PAIP2B: variants seen among roughly 807,000 people sequenced by gnomAD.
PAIP2B encodes the protein poly(A) binding protein interacting protein 2B, also known as polyadenylate-binding protein-interacting protein 2B.
PAIP2B carries 13 observed loss-of-function variants against 17.0 expected under a neutral mutation model. The ratio of observed to expected loss-of-function variants is 0.76; its 90% CI spans 0.50 to 1.22. The LOEUF (loss-of-function observed/expected upper bound fraction) is 1.22, where lower values mean the gene tolerates loss of function less well. Among genes scored for constraint, PAIP2B ranks in the 50% most tolerant of loss-of-function variants. The probability of loss-of-function intolerance (pLI) is 0.00; values close to 1 mark genes in which losing one functional copy is unlikely to be tolerated. For synonymous variants in PAIP2B, 43 were observed against 48.7 expected, an observed-to-expected ratio of 0.88 and a Z score of 0.48; for missense variants, 117 against 144.5, an observed-to-expected ratio of 0.81 and a Z score of 0.98.
chr2:71,188,990 A>G (rs972946092), intron 3 of PAIP2B, among the ~76,000 whole-genome samples: 6 of 148,232 alleles, frequency 4.0e-5, no homozygotes, highest in Admixed American at 4.0e-4. Context: ...TATGAAAACT[A>G]TATTGCTCAC....
intron 1 of PAIP2B, among the ~76,000 whole-genome samples, chr2:71,216,801 GT>G (rs1384412888): frequency 1.3e-5 from 2 of 152,190 alleles, no homozygotes; most frequent in Non-Finnish European, 2.9e-5. Context: ...CAGGGATACT[GT>G]ATGTTCTATC....
intron 1 of PAIP2B, among the ~76,000 whole-genome samples, chr2:71,226,579 A>T (rs984232426): frequency 6.6e-6 from 1 of 152,040 alleles, no homozygotes; most frequent in Non-Finnish European, 1.5e-5. Context: ...CCTGGGTAGA[A>T]ATGGGACTCA....
At chr2:71,197,897 C>T (rs1674864183) in intron 2 of PAIP2B, among the ~76,000 whole-genome samples, 1 of 152,224 alleles carries the variant, frequency 6.6e-6, no homozygotes, top group African/African-American at 2.4e-5. Flanking sequence ...CACCAGGTCC[C>T]TCCCACAACA....
chr2:71,209,686 CAACTTTCT>C (rs1459611719), intron 1 of PAIP2B, among the ~76,000 whole-genome samples: 1 of 152,186 alleles, frequency 6.6e-6, no homozygotes, highest in Admixed American at 6.5e-5. Context: ...CATCAAACTC[CAACTTTCT>C]AACTTTCTAA....
chr2:71,195,675 G>A, intron 2 of PAIP2B, among the ~76,000 whole-genome samples: 1 of 152,142 alleles, frequency 6.6e-6, no homozygotes, highest in Admixed American at 6.5e-5. Context: ...GTCTCGCTCT[G>A]TCACCCAGGC....
intron 1 of PAIP2B, among the ~76,000 whole-genome samples, chr2:71,204,278 G>A (rs1675066627): frequency 6.6e-6 from 1 of 151,994 alleles, no homozygotes; most frequent in African/African-American, 2.4e-5. Flanking sequence ...CTTCCTTGGG[G>A]CTTCTTTAAG....
intron 1 of PAIP2B, among the ~76,000 whole-genome samples, chr2:71,222,691 A>G (rs1301301126): frequency 2.0e-5 from 3 of 152,138 alleles, no homozygotes; most frequent in Non-Finnish European, 4.4e-5. Flanking sequence ...CTAACACATC[A>G]TATACCACTT....
chr2:71,191,892 G>A (rs968744996), intron 2 of PAIP2B, among the ~76,000 whole-genome samples: 7 of 152,138 alleles, frequency 4.6e-5, no homozygotes, highest in African/African-American at 1.4e-4. Context: ...AAAACAATGC[G>A]TTACTGCTGA....
chr2:71,201,382 T>C (rs1381238683), intron 2 of PAIP2B, among the ~76,000 whole-genome samples: 3 of 148,566 alleles, frequency 2.0e-5, no homozygotes, highest in Non-Finnish European at 4.4e-5. Context: ...TGAGAGTTCT[T>C]AATCTTTTTT....
intron 2 of PAIP2B, among the ~76,000 whole-genome samples, chr2:71,201,008 GGTGTGTGTGTGTGTGT>G (rs70959217): frequency 3.1e-5 from 1 of 32,310 alleles, no homozygotes; most frequent in African/African-American, 6.8e-5. Flanking sequence ...TGTGTGTGTG[GGTGTGTGTGTGTGTGT>G]GTGTGTGTGT....
At chr2:71,196,921 T>C (rs897285735) in intron 2 of PAIP2B, among the ~76,000 whole-genome samples, 25 of 152,182 alleles carry the variant, frequency 1.6e-4, no homozygotes, top group African/African-American at 6.0e-4. Flanking sequence ...ATGTGTGAGA[T>C]GGGTTTCTTG....
rs1229600510 is a variant in PAIP2B at position 71,226,989 on chromosome 2, C to T, written c.-73G>A. The stretch of plus-strand genomic sequence containing the variant: ...CTGCCACTCCTCCGAGAGCTTAAGC[C>T]GTTGCCGTAGAGGTCGCCGTCGCCA... On this transcript the variant is annotated 5_prime_UTR_variant, in exon 1 of 4. Transcript: ENST00000244221. 6.5e-6 allele frequency: 1 copy of T among 153,076 alleles called. No individual in the cohort carries two copies. The highest frequency in any genetic ancestry group is 1.5e-5 in the Non-Finnish European group (1 of 68,126). 9.5% of individuals were successfully genotyped at this position (153,076 alleles called of 1,614,324 possible).
At chr2:71,226,773 C>G (rs1262375443) in intron 1 of PAIP2B, among the ~76,000 whole-genome samples, 155 bp downstream of exon 1, 1 of 152,222 alleles carries the variant, frequency 6.6e-6, no homozygotes, top group Admixed American at 6.5e-5. Context: ...CGTGGGACCC[C>G]GCGCGCTTTC....
In PAIP2B at chr2:71,185,279, G is replaced by A. The variant is rs1674507076; in HGVS notation, c.*3200C>T. Reference sequence around the variant, plus strand: ...TTAATTAAAGAGACCCCAGGCTGGGGTGGCTCACCACACCCAGCCTATAAT... The same window carrying A: ...TTAATTAAAGAGACCCCAGGCTGGGATGGCTCACCACACCCAGCCTATAAT... On this transcript the variant is annotated 3_prime_UTR_variant, in exon 4 of 4. Coordinates refer to ENST00000244221, the MANE Select transcript of PAIP2B (RefSeq NM_020459.1). 1 of 152,058 alleles carries A rather than the reference G, an allele frequency of 6.6e-6. No individual in the cohort carries two copies. The highest frequency in any genetic ancestry group is 2.1e-4 in the South Asian group (1 of 4,822). 9.4% of individuals were successfully genotyped at this position (152,058 alleles called of 1,614,324 possible).
rs17691296 is a variant in PAIP2B at position 71,222,346 on chromosome 2, T to C, written c.-12+4582A>G. On this transcript the variant is annotated intron_variant, in intron 1 of 3. Coordinates refer to ENST00000244221, the MANE Select transcript of PAIP2B (RefSeq NM_020459.1). The stretch of plus-strand genomic sequence containing the variant: ...CTCAGTGCTTCAGCTGAGGACGGCA[T>C]ATAGGCTGAACTTCAGGGAGATCAA... Among the ~76,000 whole-genome samples, 762 of 152,302 alleles carry C rather than the reference T, an allele frequency of 5.0e-3. 4 individuals are homozygous for C. Among genetic ancestry groups the C allele is most frequent in the Non-Finnish European group, 8.1e-3 (548 of 68,026 alleles).
chr2:71,217,730 A>G (rs900671459), intron 1 of PAIP2B, among the ~76,000 whole-genome samples: 4 of 152,202 alleles, frequency 2.6e-5, no homozygotes, highest in Admixed American at 1.3e-4. Flanking sequence ...CTAGCAATAA[A>G]GCCTCAAATA....
intron 1 of PAIP2B, among the ~76,000 whole-genome samples, chr2:71,217,995 G>A (rs1454245176): frequency 2.0e-5 from 3 of 152,104 alleles, no homozygotes; most frequent in African/African-American, 7.2e-5. Flanking sequence ...TTGAGCCCAC[G>A]AGTTTGAGGC....
At chr2:71,216,052 T>A (rs997990028) in intron 1 of PAIP2B, among the ~76,000 whole-genome samples, 1 of 152,220 alleles carries the variant, frequency 6.6e-6, no homozygotes, top group Non-Finnish European at 1.5e-5. Context: ...GAGACTATAT[T>A]ATCCAACATT....
intron 1 of PAIP2B, among the ~76,000 whole-genome samples, chr2:71,224,219 G>A (rs1045806174): frequency 2.0e-5 from 3 of 152,156 alleles, no homozygotes; most frequent in Admixed American, 1.3e-4. Context: ...TAGTAGAGAG[G>A]CCTCAGGCAA....
Sources: allele counts gnomAD v4.1 joint callset (sites outside exome capture counted in the v4.1 genomes callset), GRCh38; gene constraint gnomAD v4.1.1; transcripts MANE v1.5; gene names NCBI Gene and HGNC (gene_info 2026-07-23, HGNC 2026-07-21).